RNF150: variants seen among roughly 807,000 people sequenced by gnomAD.
RNF150 encodes ring finger protein 150.
A neutral mutation model predicts 39.3 loss-of-function variants in RNF150; 24 were observed. The ratio of observed to expected loss-of-function variants is 0.61; its 90% CI spans 0.44 to 0.86. The LOEUF (loss-of-function observed/expected upper bound fraction) is 0.86. Ranked by LOEUF, RNF150 falls within the 40% of genes least tolerant of loss-of-function variation. RNF150 has a pLI of 0.00. For synonymous variants in RNF150, 255 were observed against 227.3 expected, an observed-to-expected ratio of 1.12 and a Z score of -1.10; for missense variants, 502 against 587.8, an observed-to-expected ratio of 0.85 and a Z score of 1.51.
At chr4:141,196,298 T>C (rs1017698463) in intron 1 of RNF150, among the ~76,000 whole-genome samples, 6 of 152,244 alleles carry the variant, frequency 3.9e-5, no homozygotes, top group African/African-American at 1.4e-4. Context: ...AAACTGTTGG[T>C]CCAGTTTTCC....
chr4:140,952,310 C>T (rs1481138556), intron 2 of RNF150, among the ~76,000 whole-genome samples: 1 of 152,196 alleles, frequency 6.6e-6, no homozygotes, highest in Non-Finnish European at 1.5e-5. Context: ...CAGCGCCCGA[C>T]CAGGGAGCCA....
chr4:140,873,376 T>C (rs915515332), intron 6 of RNF150, among the ~76,000 whole-genome samples: 5 of 151,946 alleles, frequency 3.3e-5, no homozygotes, highest in African/African-American at 7.3e-5. Flanking sequence ...TGAAATCTCA[T>C]AGGAGGAGAG....
At chr4:141,202,923 G>GTATGAGAT (rs1268135681) in intron 1 of RNF150, among the ~76,000 whole-genome samples, 11 of 151,698 alleles carry the variant, frequency 7.3e-5, no homozygotes, top group Non-Finnish European at 1.5e-5. Flanking sequence ...ATCCTTAAGA[G>GTATGAGAT]TATGAGATTT....
At chr4:140,946,294 T>C (rs1376651174) in intron 4 of RNF150, among the ~76,000 whole-genome samples, 1 of 152,238 alleles carries the variant, frequency 6.6e-6, no homozygotes, top group African/African-American at 2.4e-5. Context: ...TAGTATCCTG[T>C]CACTTCTTTT....
At chr4:140,926,113 C>A in intron 4 of RNF150, 40 bp from the exon 5 acceptor site, 1 of 1,415,482 alleles carries the variant, frequency 7.1e-7, no homozygotes, top group Non-Finnish European at 1.0e-6. Context: ...GCGGTAACTG[C>A]AGAGAATACC....
intron 1 of RNF150, among the ~76,000 whole-genome samples, chr4:141,123,526 G>A (rs1009554745): frequency 6.6e-6 from 1 of 152,068 alleles, no homozygotes; most frequent in Non-Finnish European, 1.5e-5. Context: ...TGACATCAAG[G>A]CACCAAATGT....
intron 1 of RNF150, among the ~76,000 whole-genome samples, chr4:141,068,212 T>A (rs1286064512): frequency 6.6e-6 from 1 of 152,214 alleles, no homozygotes; most frequent in Non-Finnish European, 1.5e-5. Context: ...CCCAAAGTGC[T>A]GGGATTACAG....
intron 1 of RNF150, among the ~76,000 whole-genome samples, chr4:141,073,286 A>AG (rs1425827350): frequency 1.3e-5 from 2 of 152,170 alleles, no homozygotes; most frequent in African/African-American, 4.8e-5. Context: ...TAGGCACACA[A>AG]GGGGTAAGCC....
At chr4:140,970,343 A>G (rs1237140059) in intron 1 of RNF150, among the ~76,000 whole-genome samples, 1 of 152,104 alleles carries the variant, frequency 6.6e-6, no homozygotes, top group East Asian at 1.9e-4. Context: ...ATTTGGGTCA[A>G]TTTTGCACTT....
intron 2 of RNF150, among the ~76,000 whole-genome samples, chr4:140,961,316 G>A (rs1047344580): frequency 6.6e-6 from 1 of 152,134 alleles, no homozygotes; most frequent in East Asian, 1.9e-4. Context: ...TATGTAAGAT[G>A]CTGGTGACTT....
intron 1 of RNF150, among the ~76,000 whole-genome samples, chr4:141,158,462 CAAA>C (rs5862513): frequency 7.7e-5 from 11 of 142,600 alleles, no homozygotes; most frequent in Admixed American, 1.4e-4. Context: ...GTCACTCTTT[CAAA>C]AAAAAAAAAA....
intron 1 of RNF150, among the ~76,000 whole-genome samples, chr4:141,172,807 C>G (rs1478726792): frequency 6.6e-6 from 1 of 152,080 alleles, no homozygotes; most frequent in Non-Finnish European, 1.5e-5. Context: ...GGCAGATCAC[C>G]TGAGGTCAGG....
chr4:140,910,272 TTC>T, intron 6 of RNF150, among the ~76,000 whole-genome samples: 1 of 152,316 alleles, frequency 6.6e-6, no homozygotes, highest in African/African-American at 2.4e-5. Flanking sequence ...AATAGGTTAC[TTC>T]TGTCAAGAGA....
In RNF150 at chr4:140,916,357, G is replaced by C. The variant is rs1024957123; in HGVS notation, c.988-5003C>G. Among the ~76,000 whole-genome samples the C allele has an allele frequency of 2.6e-5, 4 of 152,216 alleles. No individual in the cohort carries two copies. The South Asian group carries it at 6.2e-4, about 24-fold the overall frequency. On this transcript the variant is annotated intron_variant, in intron 5 of 6. Transcript: ENST00000515673. ...ATGCAGAGAAGTCCTTACAGGACCT[G>C]ATGGAGCTGAAAACCAAGGCACAAG...
chr4:141,153,139 TC>T (rs1662310402), intron 1 of RNF150, among the ~76,000 whole-genome samples: 1 of 152,182 alleles, frequency 6.6e-6, no homozygotes, highest in South Asian at 2.1e-4. Flanking sequence ...GAGTATATTG[TC>T]ATTAAAGATG....
At chr4:141,119,237 T>A (rs1161732391) in intron 1 of RNF150, among the ~76,000 whole-genome samples, 1 of 152,270 alleles carries the variant, frequency 6.6e-6, no homozygotes, top group Non-Finnish European at 1.5e-5. Context: ...ATTTGCCGTT[T>A]GCTATTTCCT....
chr4:140,993,646 G>C (rs190789506), intron 1 of RNF150, among the ~76,000 whole-genome samples: 18 of 152,204 alleles, frequency 1.2e-4, no homozygotes, highest in Non-Finnish European at 1.8e-4. Flanking sequence ...GGAGAACGAA[G>C]ATAGTTTATC....
chr4:140,881,285 C>G (rs1335804495), intron 6 of RNF150, among the ~76,000 whole-genome samples: 1 of 152,070 alleles, frequency 6.6e-6, no homozygotes, highest in Non-Finnish European at 1.5e-5. Context: ...ACTTCAGCCT[C>G]TCAAGTAGCT....
chr4:140,871,782 C>T (rs911522558), intron 6 of RNF150, among the ~76,000 whole-genome samples: 7 of 152,212 alleles, frequency 4.6e-5, no homozygotes, highest in Admixed American at 6.5e-5. Flanking sequence ...GATTCATTCA[C>T]ACCTTGGTTT....
Sources: allele counts gnomAD v4.1 joint callset (sites outside exome capture counted in the v4.1 genomes callset), GRCh38; gene constraint gnomAD v4.1.1; transcripts MANE v1.5; gene names NCBI Gene and HGNC (gene_info 2026-07-23, HGNC 2026-07-21).